Variants in MOB1B observed in about 807,000 individuals in gnomAD.
The protein encoded by MOB1B is MOB1 Mps One Binder homolog B.
A neutral mutation model predicts 24.4 loss-of-function variants in MOB1B; 19 were observed. The ratio of observed to expected loss-of-function variants is 0.78; its 90% CI spans 0.54 to 1.14. The LOEUF (loss-of-function observed/expected upper bound fraction) is 1.14, where lower values mean the gene tolerates loss of function less well. Ranked by LOEUF, MOB1B falls within the 50% of genes most tolerant of loss-of-function variation. The pLI, the probability that MOB1B is intolerant of heterozygous loss-of-function variation, is 0.00. For missense variants in MOB1B, 243 were observed against 259.6 expected (o/e 0.94, Z 0.44); for synonymous variants, 76 against 82.1 (o/e 0.93, Z 0.40).
chr4:70,911,433 G>A (rs1323587385), intron 1 of MOB1B, among the ~76,000 whole-genome samples: 1 of 151,346 alleles, frequency 6.6e-6, no homozygotes, highest in Admixed American at 6.6e-5. Flanking sequence ...TATAATATAT[G>A]TTATCCTTTT....
chr4:70,932,933 G>C (rs1736936259), intron 1 of MOB1B, among the ~76,000 whole-genome samples: 1 of 152,152 alleles, frequency 6.6e-6, no homozygotes, highest in South Asian at 2.1e-4. Flanking sequence ...TATACTGTAA[G>C]AACGCTGGGT....
At chr4:70,955,263 C>G (rs530382730) in intron 1 of MOB1B, among the ~76,000 whole-genome samples, 1 of 152,208 alleles carries the variant, frequency 6.6e-6, no homozygotes, top group East Asian at 1.9e-4. Flanking sequence ...CTCATGTACT[C>G]TTGCCAGCCA....
intron 1 of MOB1B, among the ~76,000 whole-genome samples, chr4:70,907,092 T>C (rs1578339092): frequency 6.6e-6 from 1 of 152,312 alleles, no homozygotes; most frequent in Non-Finnish European, 1.5e-5. Context: ...GTCAAGAAAT[T>C]GCCTGTGAAT....
intron 1 of MOB1B, among the ~76,000 whole-genome samples, chr4:70,932,534 T>C (rs537011887): frequency 4.4e-4 from 67 of 152,204 alleles, no homozygotes; most frequent in Non-Finnish European, 8.4e-4. Flanking sequence ...GGGAAAACTC[T>C]TGCAGCATGC....
rs758181496 is a variant in MOB1B, at chr4:70,979,202, A to G, written c.484A>G (p.Ile162Val). Residue 162 changes from isoleucine to valine, a missense_variant, in exon 5 of 6, where the codon ATT becomes GTT. Transcript: ENST00000309395. ...LKRLFRVYAH[I>V]YHQHFDPVIQ... ...ACGCCTCTTTAGGGTTTATGCTCAC[A>G]TTTATCATCAGCATTTTGACCCTGT... 1 of 1,613,818 alleles carries G rather than the reference A, an allele frequency of 6.2e-7. No homozygotes were observed.
chr4:70,952,178 A>G (rs1399048726), intron 1 of MOB1B, among the ~76,000 whole-genome samples: 1 of 152,118 alleles, frequency 6.6e-6, no homozygotes, highest in Non-Finnish European at 1.5e-5. Context: ...GAAACAATCT[A>G]AATGTTTTAA....
intron 2 of MOB1B, among the ~76,000 whole-genome samples, chr4:70,964,051 A>T (rs1738419370): frequency 1.3e-5 from 2 of 152,228 alleles, no homozygotes; most frequent in African/African-American, 4.8e-5. Flanking sequence ...TTAAAATGAT[A>T]ACTGGTTCAA....
At chr4:70,957,753 ATTT>A (rs10706196) in intron 1 of MOB1B, among the ~76,000 whole-genome samples, 75 of 121,150 alleles carry the variant, frequency 6.2e-4, no homozygotes, top group African/African-American at 2.1e-3. Flanking sequence ...TCCCTGCCTT[ATTT>A]TTTTTTTTTT....
intron 4 of MOB1B, chr4:70,976,183 A>G (rs927180982): frequency 3.0e-6 from 3 of 984,326 alleles, no homozygotes; most frequent in Admixed American, 1.2e-4. Flanking sequence ...AACCCTCTCT[A>G]TAATTTTAAA....
chr4:70,968,508 T>A lies in MOB1B; in HGVS notation c.182-1423T>A, dbSNP rs909742696. 3.3e-5 allele frequency among the ~76,000 whole-genome samples: 5 copies of A among 152,024 alleles called. No individual in the cohort carries two copies. The East Asian group carries it at 9.7e-4, about 30-fold the overall frequency. On this transcript the variant is annotated intron_variant, in intron 2 of 5. Coordinates refer to ENST00000309395, the MANE Select transcript of MOB1B (RefSeq NM_173468.4). ...GTATTTTTAGTAGAGACAAGGTTTC[T>A]CTATGTTGATCATGGCTAGTCTTGA...
rs375065105 is a variant in MOB1B, at chr4:70,978,422, C to G, written c.410-706C>G. Among the ~76,000 whole-genome samples the G allele has an allele frequency of 8.5e-5, 13 of 152,250 alleles. No individual in the cohort carries two copies. The East Asian group carries it at 2.5e-3, about 29-fold the overall frequency. On this transcript the variant is annotated intron_variant, in intron 4 of 5. Transcript: ENST00000309395. ...AGATGCCTTTACGACTGGGTTATTTCATTTCCTTTGGGTATATGCCTAGAA... is the reference window on the plus strand; with the variant it reads ...AGATGCCTTTACGACTGGGTTATTTGATTTCCTTTGGGTATATGCCTAGAA...
intron 1 of MOB1B, among the ~76,000 whole-genome samples, chr4:70,949,716 C>T (rs1737723024): frequency 6.6e-6 from 1 of 151,844 alleles, no homozygotes; most frequent in African/African-American, 2.4e-5. Context: ...AGTGAGACTT[C>T]CTCTCTATAA....
chr4:70,939,345 A>C (rs1737233668), intron 1 of MOB1B, among the ~76,000 whole-genome samples: 1 of 152,172 alleles, frequency 6.6e-6, no homozygotes, highest in African/African-American at 2.4e-5. Flanking sequence ...AATTTTGGAA[A>C]TTATAAAGTA....
chr4:70,923,965 CA>C (rs5859245), intron 1 of MOB1B, among the ~76,000 whole-genome samples: 7 of 127,812 alleles, frequency 5.5e-5, no homozygotes, highest in Admixed American at 9.1e-5. Context: ...AAATTAGACT[CA>C]AAAAAAAAAA....
chr4:70,903,001 T>TTC (rs960319951), intron 1 of MOB1B, among the ~76,000 whole-genome samples: 1 of 152,210 alleles, frequency 6.6e-6, no homozygotes, highest in Non-Finnish European at 1.5e-5. Context: ...CTGTCGTACT[T>TTC]TCCCCTGTCA....
chr4:70,945,460 G>A (rs1389331559), intron 1 of MOB1B, among the ~76,000 whole-genome samples: 1 of 152,164 alleles, frequency 6.6e-6, no homozygotes, highest in Non-Finnish European at 1.5e-5. Flanking sequence ...TGAAATGTTA[G>A]TTAAAATACA....
chr4:70,962,990 C>T (rs148685871), intron 2 of MOB1B, among the ~76,000 whole-genome samples: 2,493 of 151,826 alleles, frequency 0.016, 65 homozygotes, highest in African/African-American at 0.056. Context: ...GGTGACAGAG[C>T]GAGACTCTGT....
chr4:70,987,876 G>GA lies in MOB1B; in HGVS notation c.*5824dup, dbSNP rs1263474266. On this transcript the variant is annotated 3_prime_UTR_variant, in exon 6 of 6. Coordinates refer to ENST00000309395, the MANE Select transcript of MOB1B (RefSeq NM_173468.4). ...TCTTATAATCAAGTAACTAGAAGGG[G>GA]AAAAATCATCTAAGTTATGAAATCC... 2 of 152,512 alleles carry GA rather than the reference G, an allele frequency of 1.3e-5. No homozygotes were observed. The highest frequency in any genetic ancestry group is 1.3e-4 in the Admixed American group (2 of 15,258). The allele number at this position is 152,512 out of a possible 1,614,324, so 9.4% of individuals were successfully genotyped here.
chr4:70,918,614 C>G (rs865902457), intron 1 of MOB1B, among the ~76,000 whole-genome samples: 10 of 151,562 alleles, frequency 6.6e-5, no homozygotes, highest in African/African-American at 2.2e-4. Context: ...GAGTAGGTTG[C>G]GAAAATTTTC....
Sources: allele counts gnomAD v4.1 joint callset (sites outside exome capture counted in the v4.1 genomes callset), GRCh38; gene constraint gnomAD v4.1.1; transcripts MANE v1.5; gene names NCBI Gene and HGNC (gene_info 2026-07-23, HGNC 2026-07-21).